Variants in CNKSR3 observed in about 807,000 individuals in gnomAD.
CNKSR3 encodes the protein connector enhancer of kinase suppressor of ras 3.
Under a neutral mutation model 67.7 loss-of-function variants are expected in CNKSR3, and 36 were observed. The ratio of observed to expected loss-of-function variants is 0.53; its 90% CI spans 0.41 to 0.70. CNKSR3 has a LOEUF of 0.70. Ranked by LOEUF, CNKSR3 falls within the 30% of genes least tolerant of loss-of-function variation. CNKSR3 has a pLI of 0.00. For synonymous variants in CNKSR3, 281 were observed against 271.4 expected, an observed-to-expected ratio of 1.04 and a Z score of -0.35; for missense variants, 630 against 695.2, an observed-to-expected ratio of 0.91 and a Z score of 1.05.
intron 5 of CNKSR3, among the ~76,000 whole-genome samples, chr6:154,432,123 A>T (rs1785380227): frequency 6.6e-6 from 1 of 152,240 alleles, no homozygotes; most frequent in African/African-American, 2.4e-5. Context: ...CATTTCCACC[A>T]GCAATTAACG....
chr6:154,492,372 C>A (rs887541014), intron 1 of CNKSR3, among the ~76,000 whole-genome samples: 2 of 152,152 alleles, frequency 1.3e-5, no homozygotes, highest in Non-Finnish European at 2.9e-5. Flanking sequence ...ATCTGCACCC[C>A]AATGGCCAGC....
intron 1 of CNKSR3, among the ~76,000 whole-genome samples, chr6:154,483,989 T>C (rs556857280): frequency 3.9e-5 from 6 of 152,146 alleles, no homozygotes; most frequent in East Asian, 1.9e-4. Context: ...TACAAAGCCA[T>C]AGGTTTTATG....
rs2128708860 is a variant in CNKSR3 at position 154,398,261 on chromosome 6, T to C, written c.*8093A>G. Reference sequence around the variant, plus strand: ...ACAACATTCAGGATGACGGCATCAGTGTTAGCCAAGTGTCTGAGTGGTCTG... The same window carrying C: ...ACAACATTCAGGATGACGGCATCAGCGTTAGCCAAGTGTCTGAGTGGTCTG... On this transcript the variant is annotated 3_prime_UTR_variant, in exon 13 of 13. Transcript: ENST00000607772. 6.6e-6 allele frequency: 1 copy of C among 152,366 alleles called. No individual in the cohort carries two copies. The highest frequency in any genetic ancestry group is 2.1e-4 in the South Asian group (1 of 4,820). The allele number at this position is 152,366 out of a possible 1,614,324, so 9.4% of individuals were successfully genotyped here.
intron 9 of CNKSR3, among the ~76,000 whole-genome samples, chr6:154,415,870 T>C (rs1785014168): frequency 1.3e-5 from 2 of 152,330 alleles, no homozygotes; most frequent in East Asian, 1.9e-4. Flanking sequence ...AATCTAACAA[T>C]GACAACAATG....
intron 1 of CNKSR3, among the ~76,000 whole-genome samples, chr6:154,470,956 C>T (rs566728566): frequency 6.6e-6 from 1 of 152,202 alleles, no homozygotes; most frequent in South Asian, 2.1e-4. Flanking sequence ...TATCATCCAT[C>T]GTTTTTAGTA....
chr6:154,416,391 ATCAATTCTAC>A (rs943879898), intron 9 of CNKSR3, among the ~76,000 whole-genome samples: 5 of 152,152 alleles, frequency 3.3e-5, no homozygotes, highest in African/African-American at 1.2e-4. Context: ...TGCATAATCT[ATCAATTCTAC>A]TCAATTTGTA....
chr6:154,414,870 T>C (rs1400063350), intron 9 of CNKSR3: 2 of 460,962 alleles, frequency 4.3e-6, no homozygotes, highest in African/African-American at 4.0e-5. Flanking sequence ...AGGTGGACAA[T>C]GGATTGCTTG....
intron 1 of CNKSR3, among the ~76,000 whole-genome samples, chr6:154,477,926 C>T (rs1204059255): frequency 6.6e-6 from 1 of 152,208 alleles, no homozygotes; most frequent in Non-Finnish European, 1.5e-5. Context: ...ACATCACTCA[C>T]CGCCAGGCAC....
chr6:154,441,753 A>AC (rs1369673436), intron 3 of CNKSR3, among the ~76,000 whole-genome samples: 25 of 151,628 alleles, frequency 1.6e-4, no homozygotes, highest in Admixed American at 3.9e-4. Context: ...AAACAAAACA[A>AC]AACAAAAATT....
chr6:154,395,247 A>G lies in CNKSR3; in HGVS notation c.*11107T>C, dbSNP rs1784649675. 6.6e-6 allele frequency: 1 copy of G among 152,216 alleles called. No individual in the cohort carries two copies. Among genetic ancestry groups the G allele is most frequent in the Non-Finnish European group, 1.5e-5 (1 of 68,040 alleles). 9.4% of individuals were successfully genotyped at this position (152,216 alleles called of 1,614,324 possible). A position where few individuals can be genotyped will look rare whatever the true frequency, so the allele number is the denominator to read the frequency against. ...ATTTCCCATGTAATGAGTGAAGGGT[A>G]GTCTATGTTTCCAGTTAATTCTACA... On this transcript the variant is annotated 3_prime_UTR_variant, in exon 13 of 13. Transcript: ENST00000607772.
intron 4 of CNKSR3, 148 bp from the exon 5 acceptor site, chr6:154,433,655 G>C (rs1785413970): frequency 1.6e-6 from 1 of 625,844 alleles, no homozygotes; most frequent in East Asian, 2.8e-5. Flanking sequence ...ACTGGGATGG[G>C]AATGAGAGGG....
intron 1 of CNKSR3, among the ~76,000 whole-genome samples, chr6:154,507,673 G>A (rs1371828877): frequency 1.3e-5 from 2 of 152,154 alleles, no homozygotes; most frequent in Non-Finnish European, 2.9e-5. Flanking sequence ...CTACTAAGCT[G>A]TATTTCAGGG....
rs1784673355 is a variant in CNKSR3 at position 154,397,545 on chromosome 6, T to G, written c.*8809A>C. On this transcript the variant is annotated 3_prime_UTR_variant, in exon 13 of 13. Coordinates refer to ENST00000607772, the MANE Select transcript of CNKSR3 (RefSeq NM_173515.4). Reference sequence around the variant, plus strand: ...AATCCACCATGCTTGTTTTTTCTTTTTTCCTAGGAATTAACAGTGGCAGGC... The same window carrying G: ...AATCCACCATGCTTGTTTTTTCTTTGTTCCTAGGAATTAACAGTGGCAGGC... 1 of 152,252 alleles carries G rather than the reference T, an allele frequency of 6.6e-6. No individual in the cohort carries two copies. The highest frequency in any genetic ancestry group is 2.4e-5 in the African/African-American group (1 of 41,470). 9.4% of individuals were successfully genotyped at this position (152,252 alleles called of 1,614,324 possible).
At chr6:154,467,832 T>C (rs969396577) in intron 1 of CNKSR3, among the ~76,000 whole-genome samples, 1 of 151,868 alleles carries the variant, frequency 6.6e-6, no homozygotes, top group Non-Finnish European at 1.5e-5. Flanking sequence ...CAATTTCGGC[T>C]CACTGCAACC....
chr6:154,422,576 C>T lies in CNKSR3; in HGVS notation c.875G>A (p.Arg292His), dbSNP rs1334031121. 5.0e-6 allele frequency: 8 copies of T among 1,613,770 alleles called. No homozygotes were observed. Among genetic ancestry groups the T allele is most frequent in the South Asian group, 2.2e-5 (2 of 91,064 alleles). ...PTGVVLLLKKRPTGSFNFTPA... is the reference protein window; with the variant it reads ...PTGVVLLLKKHPTGSFNFTPA... The stretch of plus-strand genomic sequence containing the variant: ...AGTAAAGTTGAAAGACCCGGTGGGG[C>T]GCTTCTTAAGCAGTAACACAACTCC... Residue 292 changes from arginine to histidine, a missense_variant, in exon 9 of 13, where the codon CGC (arginine) becomes CAC (histidine). Transcript: ENST00000607772.
intron 6 of CNKSR3, among the ~76,000 whole-genome samples, chr6:154,430,271 C>T (rs1785337240): frequency 6.6e-6 from 1 of 152,104 alleles, no homozygotes; most frequent in Admixed American, 6.5e-5. Flanking sequence ...AGTTTTTAAA[C>T]TGTATTTATT....
intron 1 of CNKSR3, among the ~76,000 whole-genome samples, chr6:154,475,780 G>A (rs573867994): frequency 6.6e-6 from 1 of 152,334 alleles, no homozygotes; most frequent in Non-Finnish European, 1.5e-5. Context: ...AAACTAGAAT[G>A]TAAGTTTCTA....
At chr6:154,455,818 A>T (rs1785940875) in intron 1 of CNKSR3, among the ~76,000 whole-genome samples, 1 of 152,238 alleles carries the variant, frequency 6.6e-6, no homozygotes, top group Non-Finnish European at 1.5e-5. Context: ...AGATTAAAGG[A>T]GGTCATTTCT....
chr6:154,412,358 C>A (rs560936876), intron 10 of CNKSR3, among the ~76,000 whole-genome samples: 85 of 152,180 alleles, frequency 5.6e-4, no homozygotes, highest in Non-Finnish European at 1.1e-3. Flanking sequence ...TCAAAAGCGT[C>A]TTCCCGAGCA....
Sources: gnomAD v4.1 joint callset for allele counts (sites outside exome capture counted in the v4.1 genomes callset) on GRCh38, gnomAD v4.1.1 for gene constraint, MANE v1.5 for transcripts, NCBI Gene and HGNC (gene_info 2026-07-23, HGNC 2026-07-21) for gene names.